Variants in FBXO25 observed in about 807,000 individuals in gnomAD.
FBXO25 encodes the protein F-box protein 25, also known as F-box only protein 25.
Under a neutral mutation model 51.9 loss-of-function variants are expected in FBXO25, and 45 were observed. That is an observed-to-expected ratio of 0.87 (90% CI 0.68 to 1.11). The LOEUF (loss-of-function observed/expected upper bound fraction) is 1.11. Ranked by LOEUF, FBXO25 falls within the 50% of genes most tolerant of loss-of-function variation. The pLI, the probability that FBXO25 is intolerant of heterozygous loss-of-function variation, is 0.00. For missense variants in FBXO25, 507 were observed against 428.5 expected, an observed-to-expected ratio of 1.18 and a Z score of -1.62; for synonymous variants, 199 against 151.0, an observed-to-expected ratio of 1.32 and a Z score of -2.33.
intron 1 of FBXO25, among the ~76,000 whole-genome samples, chr8:411,253 C>G (rs1796469662): frequency 1.3e-5 from 2 of 152,230 alleles, no homozygotes; most frequent in South Asian, 4.1e-4. Flanking sequence ...ATTTTCAACT[C>G]TTGCCATGCT....
At chr8:456,766 C>T (rs889707212) in intron 7 of FBXO25, among the ~76,000 whole-genome samples, 11 of 152,184 alleles carry the variant, frequency 7.2e-5, no homozygotes, top group African/African-American at 2.7e-4. Context: ...TGGAGTGCAT[C>T]ACTGGCGGTC....
At chr8:428,193 C>A (rs373530721) in intron 2 of FBXO25, among the ~76,000 whole-genome samples, 1 of 152,032 alleles carries the variant, frequency 6.6e-6, no homozygotes, top group Non-Finnish European at 1.5e-5. Flanking sequence ...AAAGTGATTC[C>A]CTGTCCTTGG....
chr8:439,689 C>CT (rs1798309365), intron 5 of FBXO25, among the ~76,000 whole-genome samples: 1 of 152,318 alleles, frequency 6.6e-6, no homozygotes, highest in South Asian at 2.1e-4. Flanking sequence ...CCCTCCAAGA[C>CT]TCCCCAGTCC....
chr8:436,796 G>C (rs144479929), intron 5 of FBXO25, among the ~76,000 whole-genome samples: 12,419 of 152,250 alleles, frequency 0.082, 649 homozygotes, highest in African/African-American at 0.14. Flanking sequence ...CTCTCTGATA[G>C]TTCAGACCAT....
intron 4 of FBXO25, 140 bp downstream of exon 4, chr8:433,075 A>G: frequency 1.7e-6 from 2 of 1,182,618 alleles, no homozygotes; most frequent in Non-Finnish European, 2.3e-6. Flanking sequence ...ATTCTGACAG[A>G]TAATAGCATA....
At chr8:439,302 G>C (rs1365618043) in intron 5 of FBXO25, among the ~76,000 whole-genome samples, 3 of 152,320 alleles carry the variant, frequency 2.0e-5, no homozygotes, top group South Asian at 4.1e-4. Context: ...CCCGAGGCTT[G>C]GGAGGTCCAT....
intron 2 of FBXO25, among the ~76,000 whole-genome samples, chr8:415,442 G>T (rs951082347): frequency 5.9e-5 from 9 of 152,198 alleles, no homozygotes; most frequent in African/African-American, 1.7e-4. Flanking sequence ...AACATAGTTT[G>T]ATAGACAGAG....
chr8:407,035 C>T lies in FBXO25; in HGVS notation c.-39C>T, dbSNP rs1796193092. ...TGGGCACTGGGGGACGCGGGCGCGT[C>T]AGGTGAAGACTGGGGGCCGCAGGCG... is the stretch of plus-strand genomic sequence containing the variant. On this transcript the variant is annotated 5_prime_UTR_variant, in exon 1 of 10. Coordinates refer to ENST00000350302, the MANE Select transcript of FBXO25 (RefSeq NM_183420.2). The T allele has an allele frequency of 6.6e-6, 1 of 152,282 alleles. No individual in the cohort carries two copies. The highest frequency in any genetic ancestry group is 1.5e-5 in the Non-Finnish European group (1 of 68,184). The allele number at this position is 152,282 out of a possible 1,614,324, so 9.4% of individuals were successfully genotyped here. A position where few individuals can be genotyped will look rare whatever the true frequency, so the allele number is the denominator to read the frequency against.
chr8:458,538 T>C lies in FBXO25; in HGVS notation c.830T>C (p.Phe277Ser), dbSNP rs752876715. 6.2e-7 allele frequency: 1 copy of C among 1,613,986 alleles called. No individual in the cohort carries two copies. The highest frequency in any genetic ancestry group is 8.5e-7 in the Non-Finnish European group (1 of 1,179,974). Residue 277 changes from phenylalanine to serine, a missense_variant, in exon 8 of 10, where the codon TTT becomes TCT. Coordinates refer to ENST00000350302, the MANE Select transcript of FBXO25 (RefSeq NM_183420.2). ...QLWKKLCQYH[F>S]AEKQFCRHLI... ...TGGAAGAAGCTTTGTCAGTACCATT[T>C]TGCTGAAAAGCAGGTGAGTGGGATG...
At position 431,430 on chromosome 8, in the gene FBXO25, A is replaced by T; in HGVS notation, c.224A>T (p.Asp75Val). The change falls in exon 3 of 10, where the codon GAC becomes GTC. Residue 75 changes from aspartate to valine, a missense_variant. Transcript: ENST00000350302. ...KKRKKDHFRN[D>V]TNTQSFYREK... ...AGGAAAAAGGACCATTTTAGAAATG[A>T]CACAAATACTCAAAGTAAGATCATT... is the stretch of plus-strand genomic sequence containing the variant. The T allele has an allele frequency of 6.6e-7, 1 of 1,509,640 alleles. No homozygotes were observed. Among genetic ancestry groups the T allele is most frequent in the Non-Finnish European group, 9.0e-7 (1 of 1,114,982 alleles). The allele number at this position is 1,509,640 out of a possible 1,614,324, so 93.5% of individuals were successfully genotyped here.
chr8:421,571 G>T (rs1284185409), intron 2 of FBXO25, among the ~76,000 whole-genome samples: 1 of 152,220 alleles, frequency 6.6e-6, no homozygotes, highest in Admixed American at 6.5e-5. Context: ...CTGGATCAGG[G>T]TTGGAGGTGT....
At chr8:410,361 C>T (rs1313589290) in intron 1 of FBXO25, among the ~76,000 whole-genome samples, 2 of 151,972 alleles carry the variant, frequency 1.3e-5, no homozygotes, top group South Asian at 2.1e-4. Context: ...AGTTGGTGCT[C>T]AAATGTTTGT....
At chr8:442,971 C>G (rs2116665532) in intron 5 of FBXO25, among the ~76,000 whole-genome samples, 1 of 152,220 alleles carries the variant, frequency 6.6e-6, no homozygotes, top group Non-Finnish European at 1.5e-5. Flanking sequence ...AGTGTATTAG[C>G]AAAGTATGTT....
chr8:428,055 A>T (rs1358102366), intron 2 of FBXO25, among the ~76,000 whole-genome samples: 4 of 152,238 alleles, frequency 2.6e-5, no homozygotes, highest in African/African-American at 9.6e-5. Context: ...ATTGTAATTT[A>T]TAGAAATTGG....
rs566343777 is a variant in FBXO25 at position 425,454 on chromosome 8, T to C, written c.135-5887T>C. ...AGTGGTTTGTTTTGGTTGATTATTT[T>C]ATCTTGAGAGCCAGCTTTTGGATTT... On this transcript the variant is annotated intron_variant, in intron 2 of 9. Coordinates refer to ENST00000350302, the MANE Select transcript of FBXO25 (RefSeq NM_183420.2). Among the ~76,000 whole-genome samples, 16 of 151,938 alleles carry C rather than the reference T, an allele frequency of 1.1e-4. No homozygotes were observed. The East Asian group carries it at 2.3e-3, about 22-fold the overall frequency.
At chr8:415,498 G>T (rs115009218) in intron 2 of FBXO25, among the ~76,000 whole-genome samples, 2 of 152,324 alleles carry the variant, frequency 1.3e-5, no homozygotes, top group African/African-American at 4.8e-5. Context: ...TTAGGCTGTT[G>T]ATTCAGAATA....
chr8:412,074 G>A (rs1796512441), intron 1 of FBXO25, among the ~76,000 whole-genome samples: 1 of 152,212 alleles, frequency 6.6e-6, no homozygotes, highest in African/African-American at 2.4e-5. Context: ...ACTAGCATTT[G>A]AAGTCTCACT....
chr8:431,540 A>C, intron 3 of FBXO25, 96 bp downstream of exon 3: 1 of 630,588 alleles, frequency 1.6e-6, no homozygotes, highest in Non-Finnish European at 2.6e-6. Flanking sequence ...AAGGTGATAC[A>C]AATATGTAAA....
intron 2 of FBXO25, among the ~76,000 whole-genome samples, chr8:427,089 C>A (rs1271904891): frequency 1.3e-5 from 2 of 151,794 alleles, no homozygotes; most frequent in African/African-American, 4.8e-5. Context: ...GAAAATAATA[C>A]GACCTGATTG....
Sources: allele counts gnomAD v4.1 joint callset (sites outside exome capture counted in the v4.1 genomes callset), GRCh38; gene constraint gnomAD v4.1.1; transcripts MANE v1.5; gene names NCBI Gene and HGNC (gene_info 2026-07-23, HGNC 2026-07-21).